Variants in KCNH5 observed in about 807,000 individuals in gnomAD.
KCNH5 encodes potassium voltage-gated channel subfamily H member 5.
In KCNH5, 46 loss-of-function variants were observed where a neutral mutation model predicts 96.1. The ratio of observed to expected loss-of-function variants is 0.48; its 90% CI spans 0.38 to 0.61. The LOEUF (loss-of-function observed/expected upper bound fraction) is 0.61. Among genes scored for constraint, KCNH5 ranks in the 20% least tolerant of loss-of-function variants. The pLI is 0.00. For missense variants in KCNH5, 907 were observed against 1,225.8 expected, an observed-to-expected ratio of 0.74 and a Z score of 3.88; for synonymous variants, 439 against 449.8, an observed-to-expected ratio of 0.98 and a Z score of 0.30.
At position 62,727,808 on chromosome 14, in the gene KCNH5, G is replaced by A. The variant is rs574812470; in HGVS notation, c.2020-19353C>T. 1.6e-3 allele frequency among the ~76,000 whole-genome samples: 243 copies of A among 148,380 alleles called. 2 individuals are homozygous for A. Among genetic ancestry groups the A allele is most frequent in the African/African-American group, 5.9e-3 (238 of 40,338 alleles). On this transcript the variant is annotated intron_variant, in intron 10 of 10. Coordinates refer to ENST00000322893, the MANE Select transcript of KCNH5 (RefSeq NM_139318.5). ...AAAAAAAAAAGCAGGAGACTTATAA[G>A]CAGGTAATTTTAACATACTGTGTAA...
intron 7 of KCNH5, among the ~76,000 whole-genome samples, chr14:62,878,759 T>C (rs1260451163): frequency 6.6e-6 from 1 of 152,142 alleles, no homozygotes; most frequent in Non-Finnish European, 1.5e-5. Flanking sequence ...TGCTAAAAGT[T>C]CAAGCTTAAG....
At chr14:62,945,684 T>C (rs1889873266) in intron 7 of KCNH5, among the ~76,000 whole-genome samples, 2 of 151,992 alleles carry the variant, frequency 1.3e-5, no homozygotes, top group South Asian at 2.1e-4. Flanking sequence ...TGTTTTTTTA[T>C]AGTAGGGTAG....
intron 6 of KCNH5, among the ~76,000 whole-genome samples, chr14:62,976,223 AC>A (rs1328442334): frequency 1.3e-5 from 2 of 151,856 alleles, no homozygotes; most frequent in Admixed American, 6.6e-5. Flanking sequence ...ACATGGTGAA[AC>A]CCTGTCTCTA....
chr14:62,770,794 G>GT (rs147276108), intron 10 of KCNH5, among the ~76,000 whole-genome samples: 1,757 of 152,234 alleles, frequency 0.012, 29 homozygotes, highest in African/African-American at 0.04. Context: ...CCAGCTGTAA[G>GT]TTTTGATTTT....
chr14:62,960,091 T>C (rs1363055842), intron 6 of KCNH5, among the ~76,000 whole-genome samples: 1 of 152,208 alleles, frequency 6.6e-6, no homozygotes, highest in South Asian at 2.1e-4. Context: ...TTCAATTCTT[T>C]GAATATGTCA....
rs554117733 is a variant in KCNH5, at chr14:62,792,261, C to T, written c.1822+10068G>A. On this transcript the variant is annotated intron_variant, in intron 9 of 10. Coordinates refer to ENST00000322893, the MANE Select transcript of KCNH5 (RefSeq NM_139318.5). The stretch of plus-strand genomic sequence containing the variant: ...ATTATCATAAATACTAGCTTGAAGA[C>T]ATTTTCAGAGAAGCAAATAATAATT... Among the ~76,000 whole-genome samples the T allele has an allele frequency of 1.9e-4, 29 of 151,420 alleles. 1 individual carries two copies. The highest frequency in any genetic ancestry group is 3.8e-4 in the Non-Finnish European group (26 of 67,562).
intron 7 of KCNH5, among the ~76,000 whole-genome samples, chr14:62,851,924 C>T (rs1595655112): frequency 6.6e-6 from 1 of 152,174 alleles, no homozygotes; most frequent in Admixed American, 6.5e-5. Flanking sequence ...AAAATATATT[C>T]TGCTCATATA....
At chr14:62,940,327 G>C (rs1458600813) in intron 7 of KCNH5, among the ~76,000 whole-genome samples, 1 of 145,584 alleles carries the variant, frequency 6.9e-6, no homozygotes, top group African/African-American at 2.5e-5. Flanking sequence ...CCCATTTACA[G>C]AAAAAAAAAA....
intron 7 of KCNH5, among the ~76,000 whole-genome samples, chr14:62,853,464 T>TATATATGATATATATATATATATATATG (rs200371791): frequency 8.1e-6 from 1 of 122,882 alleles, no homozygotes; most frequent in Non-Finnish European, 1.7e-5. Flanking sequence ...ATCATATATA[T>TATATATGATATATATATATATATATATG]ATATATATAT....
intron 1 of KCNH5, among the ~76,000 whole-genome samples, chr14:63,027,100 A>G (rs1442750943): frequency 6.6e-6 from 1 of 152,064 alleles, no homozygotes; most frequent in Non-Finnish European, 1.5e-5. Context: ...AGTCAGACAT[A>G]GAAAAACACC....
In KCNH5 at chr14:62,699,914, AC is replaced by A. The variant is rs890223567; in HGVS notation, c.*7593del. ...ACTGCTTAGCATAATGGTATTAAAA[AC>A]ATCCCACATGAAATTTTTGCATTGT... On this transcript the variant is annotated 3_prime_UTR_variant, in exon 11 of 11. Coordinates refer to ENST00000322893, the MANE Select transcript of KCNH5 (RefSeq NM_139318.5). 3 of 152,206 alleles carry A rather than the reference AC, an allele frequency of 2.0e-5. No homozygotes were observed. The highest frequency in any genetic ancestry group is 7.2e-5 in the African/African-American group (3 of 41,460). 9.4% of individuals were successfully genotyped at this position (152,206 alleles called of 1,614,324 possible). A position where few individuals can be genotyped will look rare whatever the true frequency, so the allele number is the denominator to read the frequency against.
chr14:63,039,505 C>T (rs1413662357), intron 1 of KCNH5, among the ~76,000 whole-genome samples: 1 of 151,880 alleles, frequency 6.6e-6, no homozygotes, highest in Non-Finnish European at 1.5e-5. Context: ...AAAGATGTCT[C>T]ATAGAGAAAA....
At chr14:62,993,356 A>G (rs540416239) in intron 4 of KCNH5, among the ~76,000 whole-genome samples, 1 of 152,116 alleles carries the variant, frequency 6.6e-6, no homozygotes, top group East Asian at 1.9e-4. Context: ...AAAAAATGAC[A>G]TTGGTATTTT....
intron 10 of KCNH5, among the ~76,000 whole-genome samples, chr14:62,736,951 C>T (rs1382217673): frequency 6.6e-6 from 1 of 152,176 alleles, no homozygotes; most frequent in Non-Finnish European, 1.5e-5. Context: ...GTCCTTCAAA[C>T]ATGCCAAGAA....
At chr14:62,958,495 A>C (rs1298596895) in intron 6 of KCNH5, among the ~76,000 whole-genome samples, 2 of 152,212 alleles carry the variant, frequency 1.3e-5, no homozygotes, top group African/African-American at 2.4e-5. Context: ...TTTTGAATTG[A>C]ATCATCCTGC....
At chr14:62,924,067 T>C (rs1889427611) in intron 7 of KCNH5, among the ~76,000 whole-genome samples, 1 of 151,864 alleles carries the variant, frequency 6.6e-6, no homozygotes, top group Admixed American at 6.6e-5. Context: ...TGCAAACCAC[T>C]AATCTGATAA....
chr14:62,923,196 G>A (rs1261139217), intron 7 of KCNH5, among the ~76,000 whole-genome samples: 2 of 151,652 alleles, frequency 1.3e-5, no homozygotes, highest in African/African-American at 4.8e-5. Context: ...CCAAAACAGA[G>A]ATTAAGAAAG....
intron 9 of KCNH5, among the ~76,000 whole-genome samples, chr14:62,793,569 G>T (rs1329483867): frequency 6.6e-6 from 1 of 151,722 alleles, no homozygotes; most frequent in Non-Finnish European, 1.5e-5. Flanking sequence ...GAGATTCAAA[G>T]CACAGGTTTT....
intron 8 of KCNH5, among the ~76,000 whole-genome samples, chr14:62,826,668 T>TTAA (rs1887234363): frequency 6.6e-6 from 1 of 152,054 alleles, no homozygotes; most frequent in Admixed American, 6.6e-5. Context: ...GTATTAAAAC[T>TTAA]TACCTACATA....
Sources: allele counts gnomAD v4.1 joint callset (sites outside exome capture counted in the v4.1 genomes callset), GRCh38; gene constraint gnomAD v4.1.1; transcripts MANE v1.5; gene names NCBI Gene and HGNC (gene_info 2026-07-23, HGNC 2026-07-21).